The following ZNF385A variants were observed in gnomAD, a reference collection of about 807,000 sequenced individuals.
The protein encoded by ZNF385A is hematopoietic zinc finger protein.
A neutral mutation model predicts 32.1 loss-of-function variants in ZNF385A; 14 were observed. That is an observed-to-expected ratio of 0.44 (90% confidence interval 0.29 to 0.68). ZNF385A has a LOEUF of 0.68. Among genes scored for constraint, ZNF385A ranks in the 30% least tolerant of loss-of-function variants. ZNF385A has a pLI of 0.14. For missense variants in ZNF385A, 406 were observed against 478.4 expected (o/e 0.85, Z 1.41); for synonymous variants, 197 against 202.7 (o/e 0.97, Z 0.24).
At chr12:54,373,789 G>A (rs1954686405) in intron 3 of ZNF385A, among the ~76,000 whole-genome samples, 184 bp downstream of exon 3, 1 of 152,188 alleles carries the variant, frequency 6.6e-6, no homozygotes, top group Non-Finnish European at 1.5e-5. Flanking sequence ...AGCTGTGGTG[G>A]GGGTAAGGGT....
rs1221951212 is a variant in ZNF385A, at chr12:54,370,144, G to T, written c.*112C>A. 12 of 805,788 alleles carry T rather than the reference G, an allele frequency of 1.5e-5. No individual in the cohort carries two copies. Among genetic ancestry groups the T allele is most frequent in the Middle Eastern group, 4.1e-4 (1 of 2,436 alleles). 49.9% of individuals were successfully genotyped at this position (805,788 alleles called of 1,614,324 possible). A position where few individuals can be genotyped will look rare whatever the true frequency, so the allele number is the denominator to read the frequency against. The stretch of plus-strand genomic sequence containing the variant: ...GAACCCCGTATCTCGGGGTGGGGGG[G>T]GGGAAGGAGAGATCATTTAGGGAGT... On this transcript the variant is annotated 3_prime_UTR_variant, in exon 7 of 7. Transcript: ENST00000394313. This position sits in a 1 kb window ranked among gnomAD's most constrained non-coding sequence, Gnocchi z 5.5.
At chr12:54,372,331 G>T (rs1416413784) in intron 3 of ZNF385A, among the ~76,000 whole-genome samples, 1 of 152,168 alleles carries the variant, frequency 6.6e-6, no homozygotes, top group Non-Finnish European at 1.5e-5. Context: ...TCCCATTCTT[G>T]CTCCAGCAGC....
At chr12:54,389,990 G>A (rs143044587) in intron 1 of ZNF385A, among the ~76,000 whole-genome samples, 1 of 152,082 alleles carries the variant, frequency 6.6e-6, no homozygotes, top group Non-Finnish European at 1.5e-5. Flanking sequence ...GATGGAGGAA[G>A]GGCAGAAGGA....
intron 4 of ZNF385A, 131 bp from the exon 5 acceptor site, chr12:54,371,227 TAAG>T: frequency 1.2e-6 from 1 of 821,820 alleles, no homozygotes; most frequent in Non-Finnish European, 1.8e-6. Context: ...TCTTTCTAAC[TAAG>T]CTCCTTGGGA....
chr12:54,372,682 C>G (rs976671517), intron 3 of ZNF385A, among the ~76,000 whole-genome samples: 2 of 152,216 alleles, frequency 1.3e-5, no homozygotes, highest in South Asian at 4.1e-4. Flanking sequence ...TCCTCTCCAT[C>G]TTACAGAGAT....
At chr12:54,373,604 A>G (rs1954676689) in intron 3 of ZNF385A, among the ~76,000 whole-genome samples, 1 of 152,252 alleles carries the variant, frequency 6.6e-6, no homozygotes, top group Admixed American at 6.5e-5. Context: ...CCAGTAGGGC[A>G]GGAACTCAGA....
chr12:54,373,926 A>G (rs1167687675), intron 3 of ZNF385A, 47 bp downstream of exon 3: 1 of 1,424,162 alleles, frequency 7.0e-7, no homozygotes, highest in Admixed American at 2.4e-5. Context: ...GGGAGAGAAT[A>G]GAGAAGACAG....
upstream of ZNF385A, among the ~76,000 whole-genome samples, chr12:54,389,027 C>T (rs946058249): frequency 5.3e-5 from 8 of 152,124 alleles, no homozygotes; most frequent in Non-Finnish European, 1.0e-4. Flanking sequence ...GAGTAGTTGA[C>T]TGGGAAGGGG....
Position 54,370,428 on chromosome 12 carries a change from C to G in ZNF385A, c.929G>C (p.Ser310Thr). ...PKSLAGGLLPSPLAVAAVMAA... is the reference protein window; with the variant it reads ...PKSLAGGLLPTPLAVAAVMAA... The stretch of plus-strand genomic sequence containing the variant: ...CATCACTGCAGCCACCGCCAGGGGG[C>G]TGGGGAGCAGGCCGCCCGCCAGGGA... Residue 310 changes from serine (S) to threonine (T), a missense_variant, in exon 7 of 7, where the codon AGC (serine) becomes ACC (threonine). Physicochemically the swap from Ser to Thr is moderately conservative, Grantham distance 58. Coordinates refer to ENST00000394313, the MANE Select transcript of ZNF385A (RefSeq NM_015481.3). The surrounding 1 kb of genome is among the most constrained non-coding windows in gnomAD (Gnocchi z 5.5). The G allele has an allele frequency of 6.5e-7, 1 of 1,549,268 alleles. No homozygotes were observed. The highest frequency in any genetic ancestry group is 8.7e-7 in the Non-Finnish European group (1 of 1,145,696).
At chr12:54,382,375 A>G (rs776934916) in intron 1 of ZNF385A, among the ~76,000 whole-genome samples, 1 of 152,088 alleles carries the variant, frequency 6.6e-6, no homozygotes, top group Non-Finnish European at 1.5e-5. Context: ...CGCCTGGCCC[A>G]GTCTGAAAAC....
At chr12:54,387,127 A>G (rs1286524486), upstream of ZNF385A, among the ~76,000 whole-genome samples, 2 of 152,218 alleles carry the variant, frequency 1.3e-5, no homozygotes, top group Non-Finnish European at 2.9e-5. Context: ...TTGTTCAAGG[A>G]GAGGAAGGGG....
rs1954437474 is a variant in ZNF385A at position 54,370,130 on chromosome 12, C to G, written c.*126G>C. On this transcript the variant is annotated 3_prime_UTR_variant, in exon 7 of 7. Transcript: ENST00000394313. The surrounding 1 kb of genome is among the most constrained non-coding windows in gnomAD (Gnocchi z 5.5). ...CCTCCCCTTTCCTGGAACCCCGTAT[C>G]TCGGGGTGGGGGGGGGGAAGGAGAG... The G allele has an allele frequency of 4.0e-6, 3 of 748,088 alleles. No individual in the cohort carries two copies. The highest frequency in any genetic ancestry group is 5.7e-6 in the Non-Finnish European group (3 of 524,318). The allele number at this position is 748,088 out of a possible 1,614,324, so 46.3% of individuals were successfully genotyped here. A position where few individuals can be genotyped will look rare whatever the true frequency, so the allele number is the denominator to read the frequency against.
Position 54,370,765 on chromosome 12 carries a change from G to A in ZNF385A, c.775-44C>T. 2 of 1,578,000 alleles carry A rather than the reference G, an allele frequency of 1.3e-6. No homozygotes were observed. The highest frequency in any genetic ancestry group is 1.7e-6 in the Non-Finnish European group (2 of 1,164,858). On this transcript the variant is annotated intron_variant, in intron 5 of 6. Coordinates refer to ENST00000394313, the MANE Select transcript of ZNF385A (RefSeq NM_015481.3). The surrounding 1 kb of genome is among the most constrained non-coding windows in gnomAD (Gnocchi z 5.5). ...AGGGGGCTGTGAGCTCCCGGAAAGG[G>A]GCAACAGCGAGGGAGTATAATCAAG...
Position 54,370,737 on chromosome 12 carries a change from G to T in ZNF385A, c.775-16C>A. 1 of 1,580,272 alleles carries T rather than the reference G, an allele frequency of 6.3e-7. No individual in the cohort carries two copies. The highest frequency in any genetic ancestry group is 8.6e-7 in the Non-Finnish European group (1 of 1,166,596). On this transcript the variant is annotated splice_polypyrimidine_tract_variant and intron_variant, in intron 5 of 6. Transcript: ENST00000394313. This position sits in a 1 kb window ranked among gnomAD's most constrained non-coding sequence, Gnocchi z 5.5. ...TGGAGATGTGCTGCGGGGGCCAGTGGATAGGGGGCTGTGAGCTCCCGGAAA... is the reference window on the plus strand; with the variant it reads ...TGGAGATGTGCTGCGGGGGCCAGTGTATAGGGGGCTGTGAGCTCCCGGAAA...
At chr12:54,378,059 C>T (rs140852839) in intron 1 of ZNF385A, among the ~76,000 whole-genome samples, 43 of 152,286 alleles carry the variant, frequency 2.8e-4, no homozygotes, top group African/African-American at 1.0e-3. Flanking sequence ...TTAGCTTTTG[C>T]ACAACCCCCT....
upstream of ZNF385A, chr12:54,385,409 A>C (rs1955425498): frequency 6.6e-6 from 1 of 152,218 alleles, no homozygotes. Flanking sequence ...ACTCCACCAG[A>C]CTCCAAAGGG....
rs186579954 is a variant in ZNF385A at position 54,376,614 on chromosome 12, C to T, written c.88-660G>A. ...GGGGACCTAAGCAGCTGGGCTGGCC[C>T]GAGGCAGCCCAGGGATCTTCTGAAC... On this transcript the variant is annotated intron_variant, in intron 1 of 6. Coordinates refer to ENST00000394313, the MANE Select transcript of ZNF385A (RefSeq NM_015481.3). 9.5e-4 allele frequency among the ~76,000 whole-genome samples: 145 copies of T among 152,290 alleles called. 1 individual carries two copies. The highest frequency in any genetic ancestry group is 3.1e-3 in the African/African-American group (127 of 41,558).
At chr12:54,378,959 AG>A in intron 1 of ZNF385A, 1 of 687,188 alleles carries the variant, frequency 1.5e-6, no homozygotes, top group Non-Finnish European at 1.8e-6. Flanking sequence ...CCCGAGGACT[AG>A]GCAGAGGGAG....
chr12:54,387,653 AAAC>A (rs1955528745), upstream of ZNF385A, among the ~76,000 whole-genome samples: 1 of 152,254 alleles, frequency 6.6e-6, no homozygotes, highest in African/African-American at 2.4e-5. Flanking sequence ...TGTCAAATGA[AAAC>A]AACACTACTT....
Sources: gnomAD v4.1 joint callset for allele counts (sites outside exome capture counted in the v4.1 genomes callset) on GRCh38, gnomAD v4.1.1 for gene constraint, Gnocchi (gnomAD v3.1) non-coding constraint, MANE v1.5 for transcripts, NCBI Gene and HGNC (gene_info 2026-07-23, HGNC 2026-07-21) for gene names.